Variants in MYO5C observed in about 807,000 individuals in gnomAD.
MYO5C encodes the protein unconventional myosin-Vc.
MYO5C carries 194 observed loss-of-function variants against 235.7 expected under a neutral mutation model. The ratio of observed to expected loss-of-function variants is 0.82; its 90% CI spans 0.73 to 0.93. MYO5C has a LOEUF of 0.93. Ranked by LOEUF, MYO5C falls within the 40% of genes least tolerant of loss-of-function variation. The pLI is 0.00. For synonymous variants in MYO5C, 707 were observed against 754.8 expected (o/e 0.94, Z 1.04); for missense variants, 2,038 against 2,127.2 (o/e 0.96, Z 0.82).
chr15:52,253,908 G>A (rs1220829272), intron 11 of MYO5C, among the ~76,000 whole-genome samples: 4 of 152,168 alleles, frequency 2.6e-5, no homozygotes, highest in Non-Finnish European at 1.5e-5. Context: ...TGGGCTGTAA[G>A]GGTATCAGGG....
At position 52,205,118 on chromosome 15, in the gene MYO5C, G is replaced by C. The variant is rs764862771; in HGVS notation, c.4567C>G (p.Gln1523Glu). ...GTGGGCTTCAGGCCGGAAATGCCCTGCAGGCTCTCATACTCCAGCATTCCC... is the reference window on the plus strand; with the variant it reads ...GTGGGCTTCAGGCCGGAAATGCCCTCCAGGCTCTCATACTCCAGCATTCCC... Reference protein sequence around the residue: ...VPGMLEYESLQGISGLKPTGF... With the variant: ...VPGMLEYESLEGISGLKPTGF... The change falls in exon 38 of 41, where the codon CAG becomes GAG. Residue 1523 changes from glutamine to glutamate, a missense_variant. Transcript: ENST00000261839. 6.2e-7 allele frequency: 1 copy of C among 1,614,184 alleles called. No individual in the cohort carries two copies. Among genetic ancestry groups the C allele is most frequent in the East Asian group, 2.2e-5 (1 of 44,882 alleles).
chr15:52,247,410 G>T, intron 15 of MYO5C, 48 bp downstream of exon 15: 2 of 1,599,220 alleles, frequency 1.3e-6, no homozygotes, highest in South Asian at 2.3e-5. Flanking sequence ...GCTCCCCAGG[G>T]CCTGGCCCTG....
Position 52,295,797 on chromosome 15 carries a change from T to A in MYO5C, c.-161A>T. On this transcript the variant is annotated 5_prime_UTR_variant, in exon 1 of 41. Coordinates refer to ENST00000261839, the MANE Select transcript of MYO5C (RefSeq NM_018728.4). ...ACGGCCTCCTGTTCCCGTTCCCGAGTTGGCGGCGAGGGGAGGGGGCAGCGG... is the reference window on the plus strand; with the variant it reads ...ACGGCCTCCTGTTCCCGTTCCCGAGATGGCGGCGAGGGGAGGGGGCAGCGG... The A allele has an allele frequency of 2.1e-6, 1 of 473,204 alleles. No individual in the cohort carries two copies. Among genetic ancestry groups the A allele is most frequent in the East Asian group, 3.6e-5 (1 of 27,788 alleles). 29.3% of individuals were successfully genotyped at this position (473,204 alleles called of 1,614,324 possible). A position where few individuals can be genotyped will look rare whatever the true frequency, so the allele number is the denominator to read the frequency against.
chr15:52,237,470 C>T lies in MYO5C; in HGVS notation c.2868+12G>A, dbSNP rs2036111576. The T allele has an allele frequency of 1.2e-6, 2 of 1,612,286 alleles. No individual in the cohort carries two copies. Among genetic ancestry groups the T allele is most frequent in the African/African-American group, 1.3e-5 (1 of 75,000 alleles). On this transcript the variant is annotated intron_variant, in intron 22 of 40. Coordinates refer to ENST00000261839, the MANE Select transcript of MYO5C (RefSeq NM_018728.4). ...GCATATTTCCATCCCGTCTCACACGCCCGCAGCTGACCTCTTCCACAGCAT... is the reference window on the plus strand; with the variant it reads ...GCATATTTCCATCCCGTCTCACACGTCCGCAGCTGACCTCTTCCACAGCAT...
intron 12 of MYO5C, among the ~76,000 whole-genome samples, chr15:52,251,828 C>G (rs929307787): frequency 6.6e-6 from 1 of 151,946 alleles, no homozygotes; most frequent in Admixed American, 6.6e-5. Context: ...CCATGCCTGA[C>G]TAATTTTTGT....
chr15:52,214,517 TA>T, intron 33 of MYO5C, 85 bp downstream of exon 33: 1 of 999,652 alleles, frequency 1.0e-6, no homozygotes, highest in Non-Finnish European at 1.4e-6. Flanking sequence ...TTGGGTTTCA[TA>T]AGCTTTGGAC....
At chr15:52,245,747 ATGGGGTGAGAAGGTGG>A (rs2036326339) in intron 17 of MYO5C, among the ~76,000 whole-genome samples, 193 bp downstream of exon 17, 1 of 152,210 alleles carries the variant, frequency 6.6e-6, no homozygotes, top group South Asian at 2.1e-4. Context: ...AGATGCAGTG[ATGGGGTGAGAAGGTGG>A]TGTTGACCTC....
intron 38 of MYO5C, among the ~76,000 whole-genome samples, chr15:52,197,484 G>T (rs1329676777): frequency 2.0e-5 from 3 of 152,172 alleles, no homozygotes; most frequent in Non-Finnish European, 2.9e-5. Flanking sequence ...GCTGGGCAGG[G>T]TAGGGAGTTG....
intron 13 of MYO5C, among the ~76,000 whole-genome samples, 190 bp from the exon 14 acceptor site, chr15:52,248,973 C>A (rs1016555938): frequency 6.6e-6 from 1 of 152,178 alleles, no homozygotes; most frequent in Non-Finnish European, 1.5e-5. Flanking sequence ...GTCTTCTCTC[C>A]CACCACCTGG....
At chr15:52,238,916 C>G (rs771002166) in intron 21 of MYO5C, among the ~76,000 whole-genome samples, 3 of 151,882 alleles carry the variant, frequency 2.0e-5, no homozygotes, top group Non-Finnish European at 2.9e-5. Flanking sequence ...GCTGGGATTA[C>G]AGGCGTGAGC....
At chr15:52,225,222 A>T in intron 26 of MYO5C, 84 bp from the exon 27 acceptor site, 1 of 1,443,100 alleles carries the variant, frequency 6.9e-7, no homozygotes, top group Non-Finnish European at 9.6e-7. Context: ...CCAGTTTTCT[A>T]GCTTCACAGT....
chr15:52,279,615 G>A lies in MYO5C; in HGVS notation c.198C>T (p.Leu66=), dbSNP rs371621193. 12 of 1,613,844 alleles carry A rather than the reference G, an allele frequency of 7.4e-6. No individual in the cohort carries two copies. Among genetic ancestry groups the A allele is most frequent in the Admixed American group, 5.0e-5 (3 of 60,004 alleles). The part of the protein sequence containing the change: ...SLPPLRNPDI[L]VGENDLTALS... ...GAGCCGTGAGGTCATTCTCGCCCAC[G>A]AGGATGTCAGGATTCCGAAGTGGAG... is the stretch of plus-strand genomic sequence containing the variant. Residue 66 remains leucine (L), a synonymous_variant, in exon 3 of 41, where the codon CTC becomes CTT. Transcript: ENST00000261839.
chr15:52,205,312 G>C, intron 37 of MYO5C, 165 bp from the exon 38 acceptor site: 1 of 754,844 alleles, frequency 1.3e-6, no homozygotes, highest in Non-Finnish European at 2.1e-6. Flanking sequence ...ACACCAGGGT[G>C]TGTGTCAGGG....
intron 1 of MYO5C, among the ~76,000 whole-genome samples, chr15:52,288,944 A>T (rs1324342212): frequency 6.6e-6 from 1 of 152,224 alleles, no homozygotes; most frequent in African/African-American, 2.4e-5. Flanking sequence ...TGAGAACAGC[A>T]TCTTCTCACG....
At chr15:52,270,879 G>A (rs995111786) in intron 7 of MYO5C, among the ~76,000 whole-genome samples, 3 of 152,088 alleles carry the variant, frequency 2.0e-5, no homozygotes, top group African/African-American at 4.8e-5. Flanking sequence ...GAGAGTGTGA[G>A]TTCAACTCCA....
chr15:52,212,305 G>A (rs1343391424), intron 34 of MYO5C, among the ~76,000 whole-genome samples: 1 of 152,182 alleles, frequency 6.6e-6, no homozygotes, highest in Non-Finnish European at 1.5e-5. Context: ...GTGCAGCAGA[G>A]GATGCCTGGC....
chr15:52,276,081 C>T (rs1401987754), intron 4 of MYO5C, among the ~76,000 whole-genome samples: 1 of 152,158 alleles, frequency 6.6e-6, no homozygotes, highest in African/African-American at 2.4e-5. Context: ...CCTCTGCCTT[C>T]CCCACCCTCT....
intron 16 of MYO5C, among the ~76,000 whole-genome samples, 162 bp downstream of exon 16, chr15:52,246,755 G>C (rs747904636): frequency 2.0e-5 from 3 of 152,152 alleles, no homozygotes; most frequent in Non-Finnish European, 4.4e-5. Flanking sequence ...TTTAACCAGA[G>C]GGGCTGAGCT....
At chr15:52,282,939 A>T (rs1426754435) in intron 1 of MYO5C, 47 bp from the exon 2 acceptor site, 1 of 1,177,566 alleles carries the variant, frequency 8.5e-7, no homozygotes, top group South Asian at 1.2e-5. Flanking sequence ...TTCCAAAATT[A>T]TGGATCAATG....
Sources: allele counts gnomAD v4.1 joint callset (sites outside exome capture counted in the v4.1 genomes callset), GRCh38; gene constraint gnomAD v4.1.1; transcripts MANE v1.5; gene names NCBI Gene and HGNC (gene_info 2026-07-23, HGNC 2026-07-21).